The following ADAMTSL5 variants were observed in gnomAD, a reference collection of about 807,000 sequenced individuals.
ADAMTSL5 encodes the protein ADAMTS like 5, also known as ADAMTS-like protein 5.
Under a neutral mutation model 51.7 loss-of-function variants are expected in ADAMTSL5, and 53 were observed. The ratio of observed to expected loss-of-function variants is 1.03; its 90% CI spans 0.82 to 1.29. The LOEUF is 1.29. ADAMTSL5 is among the 50% of genes most tolerant of loss of function. The pLI is 0.00. For synonymous variants in ADAMTSL5, 285 were observed against 278.7 expected, an observed-to-expected ratio of 1.02 and a Z score of -0.23; for missense variants, 770 against 676.2, an observed-to-expected ratio of 1.14 and a Z score of -1.54.
chr19:1,507,149 G>A, intron 9 of ADAMTSL5, 93 bp downstream of exon 9: 3 of 1,468,320 alleles, frequency 2.0e-6, no homozygotes, highest in Non-Finnish European at 2.7e-6. Context: ...CCCCCTTCTG[G>A]CCCCAGTCAC....
Position 1,506,405 on chromosome 19 carries a change from C to G in ADAMTSL5, c.1115-89G>C. ...CCTTGCCAGAAGAGGGACTGAGGGT[C>G]AGGTGGGACCTCGGGATCTATAGGG... On this transcript the variant is annotated intron_variant, in intron 11 of 11. Coordinates refer to ENST00000330475, the MANE Select transcript of ADAMTSL5 (RefSeq NM_213604.3). This position sits in a 1 kb window ranked among gnomAD's most constrained non-coding sequence, Gnocchi z 5.6. 1 of 1,489,606 alleles carries G rather than the reference C, an allele frequency of 6.7e-7. No individual in the cohort carries two copies. The allele number at this position is 1,489,606 out of a possible 1,614,324, so 92.3% of individuals were successfully genotyped here.
intron 5 of ADAMTSL5, among the ~76,000 whole-genome samples, chr19:1,509,750 T>G (rs1913161165): frequency 6.6e-6 from 1 of 152,152 alleles, no homozygotes; most frequent in Non-Finnish European, 1.5e-5. Flanking sequence ...AGGCTTTTCT[T>G]ATATCTGTGT....
Position 1,510,888 on chromosome 19 carries a change from A to G in ADAMTSL5, c.56T>C (p.Phe19Ser). 6.5e-7 allele frequency: 1 copy of G among 1,529,798 alleles called. No homozygotes were observed. Among genetic ancestry groups the G allele is most frequent in the Admixed American group, 2.2e-5 (1 of 45,772 alleles). 94.8% of individuals were successfully genotyped at this position (1,529,798 alleles called of 1,614,324 possible). Reference sequence around the variant, plus strand: ...ACCACAGTTCAGCAGGGCCCACAGGAAGAGCAGGAGGTTCTGGAAGAGGTG... The same window carrying G: ...ACCACAGTTCAGCAGGGCCCACAGGGAGAGCAGGAGGTTCTGGAAGAGGTG... ...RPHLFQNLLL[F>S]LWALLNCGLG... The change falls in exon 2 of 12, where the codon TTC (phenylalanine) becomes TCC (serine). Residue 19 changes from phenylalanine (F) to serine (S), a missense_variant. Physicochemically the swap from Phe to Ser is radical, Grantham distance 155. Coordinates refer to ENST00000330475, the MANE Select transcript of ADAMTSL5 (RefSeq NM_213604.3).
chr19:1,511,035 C>T lies in ADAMTSL5; in HGVS notation c.-92G>A. ...AGTAACTAAACCTCTCTGAGCCCTA[C>T]CTCTCGTCTCTGAAAAACGGGGTAA... is the stretch of plus-strand genomic sequence containing the variant. On this transcript the variant is annotated 5_prime_UTR_variant, in exon 2 of 12. Coordinates refer to ENST00000330475, the MANE Select transcript of ADAMTSL5 (RefSeq NM_213604.3). 1.0e-6 allele frequency: 1 copy of T among 1,000,626 alleles called. No homozygotes were observed. The highest frequency in any genetic ancestry group is 1.3e-6 in the Non-Finnish European group (1 of 752,898). 62.0% of individuals were successfully genotyped at this position (1,000,626 alleles called of 1,614,324 possible). A position where few individuals can be genotyped will look rare whatever the true frequency, so the allele number is the denominator to read the frequency against.
chr19:1,505,271 G>C lies in ADAMTSL5; in HGVS notation c.*744C>G, dbSNP rs1912858392. ...GAGTTCCAGCTGCTGTGGAGGCTGA[G>C]GTGGGAGGATCGCTTGAGCCCAGGA... On this transcript the variant is annotated 3_prime_UTR_variant, in exon 12 of 12. Transcript: ENST00000330475. 6.6e-6 allele frequency: 1 copy of C among 152,172 alleles called. No homozygotes were observed. The highest frequency in any genetic ancestry group is 1.5e-5 in the Non-Finnish European group (1 of 68,138). 9.4% of individuals were successfully genotyped at this position (152,172 alleles called of 1,614,324 possible). A position where few individuals can be genotyped will look rare whatever the true frequency, so the allele number is the denominator to read the frequency against.
At chr19:1,509,452 C>G (rs1055688200) in intron 5 of ADAMTSL5, among the ~76,000 whole-genome samples, 14 of 151,948 alleles carry the variant, frequency 9.2e-5, no homozygotes, top group African/African-American at 1.9e-4. Flanking sequence ...AACACAAAGG[C>G]CGACAGCCCT....
At chr19:1,507,437 GTCGTC>G (rs1913002454) in intron 8 of ADAMTSL5, 32 bp from the exon 9 acceptor site, 2 of 1,593,942 alleles carry the variant, frequency 1.3e-6, no homozygotes, top group African/African-American at 2.7e-5. Flanking sequence ...TCAGGAACCT[GTCGTC>G]TCGTCTCCCA....
At chr19:1,511,412 A>G (rs1458947815) in intron 1 of ADAMTSL5, among the ~76,000 whole-genome samples, 1 of 152,158 alleles carries the variant, frequency 6.6e-6, no homozygotes, top group Admixed American at 6.5e-5. Flanking sequence ...ACCTGAAGTG[A>G]TCCACCTGCT....
At chr19:1,507,167 CCTACCCTCTGT>C in intron 9 of ADAMTSL5, 64 bp downstream of exon 9, 1 of 1,506,702 alleles carries the variant, frequency 6.6e-7, no homozygotes, top group Non-Finnish European at 8.8e-7. Context: ...CACCTCCACT[CCTACCCTCTGT>C]CCCCAGCCTC....
chr19:1,509,686 A>AG (rs1913156834), intron 5 of ADAMTSL5, among the ~76,000 whole-genome samples: 2 of 133,448 alleles, frequency 1.5e-5, no homozygotes, highest in Non-Finnish European at 3.3e-5. Flanking sequence ...AAGGGAAGGA[A>AG]GAAAGGGAAG....
intron 5 of ADAMTSL5, 57 bp from the exon 6 acceptor site, chr19:1,508,627 C>T: frequency 2.1e-6 from 3 of 1,448,798 alleles, no homozygotes; most frequent in Non-Finnish European, 2.7e-6. Flanking sequence ...CAGTCCCCCT[C>T]TACCAAGCTT....
chr19:1,510,055 C>T (rs531444810), intron 5 of ADAMTSL5, 95 bp downstream of exon 5: 3 of 986,154 alleles, frequency 3.0e-6, no homozygotes, highest in Admixed American at 2.7e-5. Context: ...GCACTAATAC[C>T]CTCTTCTCTT....
chr19:1,507,483 C>A (rs1045122131), intron 8 of ADAMTSL5, 74 bp downstream of exon 8: 2 of 1,611,286 alleles, frequency 1.2e-6, no homozygotes, highest in Non-Finnish European at 1.7e-6. Flanking sequence ...AGGCCTCAGT[C>A]TCCCCATCTG....
chr19:1,512,431 A>C (rs897422442), intron 1 of ADAMTSL5, among the ~76,000 whole-genome samples: 1 of 152,218 alleles, frequency 6.6e-6, no homozygotes, highest in African/African-American at 2.4e-5. Flanking sequence ...CTGTAATCCC[A>C]GCACTTTGGG....
Position 1,509,622 on chromosome 19 carries a change from AAGGGAGGG to A in ADAMTSL5, c.361+520_361+527del, listed in dbSNP as rs1555693309. 3.2e-3 allele frequency among the ~76,000 whole-genome samples: 391 copies of A among 120,726 alleles called. 6 individuals carry two copies. The highest frequency in any genetic ancestry group is 0.011 in the African/African-American group (363 of 33,078). The allele number at this position is 120,726 out of a possible 152,430, so 79.2% of individuals were successfully genotyped here. On this transcript the variant is annotated intron_variant, in intron 5 of 11. Coordinates refer to ENST00000330475, the MANE Select transcript of ADAMTSL5 (RefSeq NM_213604.3). ...AATTCTCAGATTGATGGAAGGAAGG[AAGGGAGGG>A]AGGGAGGGAGGGAGGGAGGAAGGAA...
At chr19:1,511,658 C>T (rs1913270468) in intron 1 of ADAMTSL5, 1 of 1,104,152 alleles carries the variant, frequency 9.1e-7, no homozygotes, top group Admixed American at 2.3e-5. Context: ...CCACTCCACT[C>T]TCCCAGGCCT....
Position 1,505,730 on chromosome 19 carries a change from T to A in ADAMTSL5, c.*285A>T. ...AAAGAGAAAGAAAGCAGCGTTAAAC[T>A]TTCTGAGTATAAATAGCTATGAGCT... On this transcript the variant is annotated 3_prime_UTR_variant, in exon 12 of 12. Transcript: ENST00000330475. The A allele has an allele frequency of 5.1e-6, 2 of 391,640 alleles. No homozygotes were observed. Among genetic ancestry groups the A allele is most frequent in the Non-Finnish European group, 9.2e-6 (2 of 218,390 alleles). 24.3% of individuals were successfully genotyped at this position (391,640 alleles called of 1,614,324 possible).
chr19:1,512,042 A>C (rs1242600066), intron 1 of ADAMTSL5, among the ~76,000 whole-genome samples: 1 of 152,146 alleles, frequency 6.6e-6, no homozygotes, highest in Non-Finnish European at 1.5e-5. Flanking sequence ...GGCAGGGATG[A>C]AGTCACTTGC....
At chr19:1,508,643 G>A (rs1913096140) in intron 5 of ADAMTSL5, 73 bp from the exon 6 acceptor site, 9 of 1,435,366 alleles carry the variant, frequency 6.3e-6, no homozygotes, top group Middle Eastern at 3.6e-4. Flanking sequence ...AGCTTCATCA[G>A]GCAACCATCA....
Sources: allele counts gnomAD v4.1 joint callset (sites outside exome capture counted in the v4.1 genomes callset), GRCh38; gene constraint gnomAD v4.1.1; non-coding constraint Gnocchi (gnomAD v3.1); transcripts MANE v1.5; gene names NCBI Gene and HGNC (gene_info 2026-07-23, HGNC 2026-07-21).